Variants in FANCD2 observed in about 807,000 individuals in gnomAD.
FANCD2 encodes Fanconi anemia group D2 protein.
A neutral mutation model predicts 192.3 loss-of-function variants in FANCD2; 131 were observed. The ratio of observed to expected loss-of-function variants is 0.68; its 90% CI spans 0.59 to 0.79. The LOEUF is 0.79. Ranked by LOEUF, FANCD2 falls within the 30% of genes least tolerant of loss-of-function variation. The pLI is 0.00. For synonymous variants in FANCD2, 524 were observed against 612.5 expected (o/e 0.86, Z 2.13); for missense variants, 1,508 against 1,701.6 (o/e 0.89, Z 2.00).
intron 43 of FANCD2, among the ~76,000 whole-genome samples, chr3:10,100,421 T>G (rs1454988801): frequency 5.3e-5 from 8 of 152,314 alleles, no homozygotes; most frequent in Admixed American, 3.3e-4. Context: ...TCGCCCAGGC[T>G]AGCATGCAGT....
At chr3:10,034,559 T>C in intron 4 of FANCD2, 23 bp downstream of exon 4, 2 of 1,590,540 alleles carry the variant, frequency 1.3e-6, no homozygotes, top group Admixed American at 3.3e-5. Context: ...CCCCTGGTAT[T>C]TTTGCTTGTG....
intron 37 of FANCD2, among the ~76,000 whole-genome samples, 194 bp downstream of exon 37, chr3:10,090,579 C>T (rs1248799963): frequency 4.7e-5 from 7 of 150,482 alleles, no homozygotes; most frequent in Non-Finnish European, 1.5e-5. Flanking sequence ...CTGCCTCAGA[C>T]TCCTGAATAG....
intron 26 of FANCD2, among the ~76,000 whole-genome samples, chr3:10,069,127 C>T (rs1377129142): frequency 6.6e-6 from 1 of 151,938 alleles, no homozygotes; most frequent in Non-Finnish European, 1.5e-5. Flanking sequence ...CACAGGCAAC[C>T]AAAGCAAAAA....
At chr3:10,093,480 C>A (rs558502169) in intron 39 of FANCD2, among the ~76,000 whole-genome samples, 157 bp downstream of exon 39, 23 of 152,268 alleles carry the variant, frequency 1.5e-4, no homozygotes, top group African/African-American at 4.8e-4. Context: ...ATTTTCCCAC[C>A]CTAGTTGGAT....
intron 32 of FANCD2, among the ~76,000 whole-genome samples, chr3:10,083,014 C>A (rs941568514): frequency 6.6e-6 from 1 of 152,092 alleles, no homozygotes; most frequent in African/African-American, 2.4e-5. Context: ...ATCACTTGAG[C>A]TCAGGAGTTC....
Position 10,085,735 on chromosome 3 carries a change from G to A in FANCD2, c.3225-77G>A, listed in dbSNP as rs551095369. 1.8e-3 allele frequency: 1,650 copies of A among 930,854 alleles called. 3 individuals are homozygous for A. Among genetic ancestry groups the A allele is most frequent in the Non-Finnish European group, 2.6e-3 (1,457 of 559,572 alleles). The allele number at this position is 930,854 out of a possible 1,614,324, so 57.7% of individuals were successfully genotyped here. ...CGTTAAACTATTGATGGTACAGACT[G>A]GAGGCCAGGATCCTTAAATACTATC... On this transcript the variant is annotated intron_variant, in intron 32 of 43. Coordinates refer to ENST00000675286, the MANE Select transcript of FANCD2 (RefSeq NM_001018115.3).
At position 10,043,874 on chromosome 3, in the gene FANCD2, A is replaced by G. The variant is rs758751922; in HGVS notation, c.1134+10A>G. The G allele has an allele frequency of 6.9e-6, 11 of 1,597,382 alleles. No individual in the cohort carries two copies. Among genetic ancestry groups the G allele is most frequent in the Non-Finnish European group, 7.7e-6 (9 of 1,165,376 alleles). On this transcript the variant is annotated intron_variant, in intron 14 of 43. Coordinates refer to ENST00000675286, the MANE Select transcript of FANCD2 (RefSeq NM_001018115.3). The stretch of plus-strand genomic sequence containing the variant: ...AGTATCTGAACACAAGGTAATGTTC[A>G]TGTACTATGCATTTTCAGTATTGCA...
intron 41 of FANCD2, 116 bp from the exon 42 acceptor site, chr3:10,096,210 C>A: frequency 1.0e-6 from 1 of 1,004,258 alleles, no homozygotes; most frequent in Non-Finnish European, 1.6e-6. Flanking sequence ...TGGAACATAC[C>A]GTTGGCCCAT....
intron 29 of FANCD2, among the ~76,000 whole-genome samples, chr3:10,077,525 A>G (rs547983650): frequency 6.6e-6 from 1 of 152,102 alleles, no homozygotes; most frequent in Non-Finnish European, 1.5e-5. Flanking sequence ...ACTGCCCTCC[A>G]GCCTGGGTGA....
Position 10,079,931 on chromosome 3 carries a change from T to C in FANCD2, c.2977-1169T>C, listed in dbSNP as rs1048608660. Among the ~76,000 whole-genome samples the C allele has an allele frequency of 1.3e-5, 2 of 152,136 alleles. 1 individual carries two copies. The highest frequency in any genetic ancestry group is 4.8e-5 in the African/African-American group (2 of 41,414). On this transcript the variant is annotated intron_variant, in intron 30 of 43. Transcript: ENST00000675286. ...TTTCTTCTTCGTCTTCTTTTTTTTT[T>C]TTGAGGCGGAGTCTTGCTTTGTTGC...
At chr3:10,066,999 A>C (rs2087737989) in intron 25 of FANCD2, among the ~76,000 whole-genome samples, 1 of 152,188 alleles carries the variant, frequency 6.6e-6, no homozygotes, top group Non-Finnish European at 1.5e-5. Flanking sequence ...TGCTGGGATT[A>C]CAGACATGAG....
chr3:10,027,183 T>TA (rs1273538308), intron 1 of FANCD2, among the ~76,000 whole-genome samples: 1 of 152,198 alleles, frequency 6.6e-6, no homozygotes, highest in East Asian at 1.9e-4. Context: ...TGCTGGGCAT[T>TA]AGGGACATTG....
In FANCD2 at chr3:10,073,283, C is replaced by A. The variant is rs1383862216; in HGVS notation, c.2636C>A (p.Thr879Lys). The A allele has an allele frequency of 6.2e-7, 1 of 1,613,902 alleles. No homozygotes were observed. Among genetic ancestry groups the A allele is most frequent in the East Asian group, 2.2e-5 (1 of 44,880 alleles). ...AAACAAAAAACAGATGGCAGCAAGA[C>A]ATCCTCCTCTGACACACTTTCAGAA... is the stretch of plus-strand genomic sequence containing the variant. The part of the protein sequence containing the change: ...ERKQKTDGSK[T>K]SSSDTLSEEK... The change falls in exon 28 of 44, where the codon ACA (threonine) becomes AAA (lysine). Residue 879 changes from threonine (T) to lysine (K), a missense_variant. Transcript: ENST00000675286.
At chr3:10,042,958 G>C (rs2124991992) in intron 11 of FANCD2, 92 bp from the exon 12 acceptor site, 7 of 1,166,316 alleles carry the variant, frequency 6.0e-6, no homozygotes, top group Non-Finnish European at 9.0e-6. Flanking sequence ...TTCTTCCTCA[G>C]TCTTTCAGGA....
chr3:10,085,686 G>T, intron 32 of FANCD2, 126 bp from the exon 33 acceptor site: 4 of 749,460 alleles, frequency 5.3e-6, no homozygotes, highest in Middle Eastern at 3.4e-4. Context: ...CACCACGCCC[G>T]ACCTCTCAAT....
chr3:10,068,564 C>A (rs1575799833), intron 26 of FANCD2, among the ~76,000 whole-genome samples: 1 of 151,702 alleles, frequency 6.6e-6, no homozygotes, highest in Non-Finnish European at 1.5e-5. Context: ...AATTTCCATG[C>A]TACCCAACAC....
At chr3:10,029,416 A>T (rs971614490) in intron 2 of FANCD2, among the ~76,000 whole-genome samples, 1 of 152,148 alleles carries the variant, frequency 6.6e-6, no homozygotes, top group African/African-American at 2.4e-5. Flanking sequence ...TGGAAGGATC[A>T]CTTGAGCTCA....
intron 2 of FANCD2, among the ~76,000 whole-genome samples, chr3:10,030,062 C>G (rs945186206): frequency 2.0e-5 from 3 of 150,352 alleles, no homozygotes; most frequent in Non-Finnish European, 2.9e-5. Context: ...GCAAGGATTA[C>G]AGGCTTGAGC....
At chr3:10,089,149 G>T (rs750053115) in intron 36 of FANCD2, among the ~76,000 whole-genome samples, 199 bp downstream of exon 36, 22 of 152,054 alleles carry the variant, frequency 1.4e-4, no homozygotes, top group Non-Finnish European at 3.1e-4. Context: ...GCCGGGCGTG[G>T]TGGCACATGC....
Sources: allele counts gnomAD v4.1 joint callset (sites outside exome capture counted in the v4.1 genomes callset), GRCh38; gene constraint gnomAD v4.1.1; transcripts MANE v1.5; gene names NCBI Gene and HGNC (gene_info 2026-07-23, HGNC 2026-07-21).